Variants in TMTC1 observed in about 807,000 individuals in gnomAD.
The protein encoded by TMTC1 is transmembrane O-mannosyltransferase targeting cadherins 1.
A neutral mutation model predicts 104.8 loss-of-function variants in TMTC1; 73 were observed. The observed-to-expected ratio is 0.70, with a 90% CI of 0.58 to 0.85. The LOEUF (loss-of-function observed/expected upper bound fraction) is 0.85. Ranked by LOEUF, TMTC1 falls within the 40% of genes least tolerant of loss-of-function variation. The pLI is 0.00. For missense variants in TMTC1, 1,035 were observed against 1,096.1 expected (o/e 0.94, Z 0.79); for synonymous variants, 434 against 428.7 (o/e 1.01, Z -0.15).
chr12:29,714,099 A>ACTTCC (rs1942011668), intron 5 of TMTC1, among the ~76,000 whole-genome samples: 3 of 152,328 alleles, frequency 2.0e-5, no homozygotes, highest in South Asian at 4.1e-4. Flanking sequence ...TCCCAGCCTG[A>ACTTCC]AGAACTGTGA....
intron 5 of TMTC1, among the ~76,000 whole-genome samples, chr12:29,634,855 C>T (rs570380415): frequency 4.1e-4 from 62 of 152,266 alleles, no homozygotes; most frequent in African/African-American, 1.4e-3. Flanking sequence ...CAGTGTGAAG[C>T]GTCAGTTCAC....
chr12:29,613,720 C>A (rs1271717969), intron 6 of TMTC1, among the ~76,000 whole-genome samples: 1 of 152,102 alleles, frequency 6.6e-6, no homozygotes, highest in African/African-American at 2.4e-5. Context: ...TTTCATAAAC[C>A]ATTTTGTTCC....
At position 29,661,733 on chromosome 12, in the gene TMTC1, C is replaced by G. The variant is rs145395923; in HGVS notation, c.939-28397G>C. Reference sequence around the variant, plus strand: ...TTACAGGCGTGAGCCACTGCACCCACTCAGTTAAATAATTTTTTTAAGGCA... The same window carrying G: ...TTACAGGCGTGAGCCACTGCACCCAGTCAGTTAAATAATTTTTTTAAGGCA... On this transcript the variant is annotated intron_variant, in intron 5 of 17. Coordinates refer to ENST00000539277, the MANE Select transcript of TMTC1 (RefSeq NM_001193451.2). Among the ~76,000 whole-genome samples the G allele has an allele frequency of 5.8e-4, 88 of 152,154 alleles. 1 individual carries two copies. The highest frequency in any genetic ancestry group is 1.8e-3 in the African/African-American group (76 of 41,522).
intron 5 of TMTC1, among the ~76,000 whole-genome samples, chr12:29,710,163 G>A (rs556266924): frequency 3.9e-5 from 6 of 152,042 alleles, no homozygotes; most frequent in African/African-American, 7.2e-5. Context: ...ACTGAACAGC[G>A]TTCTTTAATC....
chr12:29,575,773 G>A (rs1453408414), intron 8 of TMTC1, among the ~76,000 whole-genome samples: 3 of 152,182 alleles, frequency 2.0e-5, no homozygotes, highest in African/African-American at 7.2e-5. Flanking sequence ...AGGACGGATT[G>A]CTGGATCACA....
chr12:29,660,907 A>T, intron 5 of TMTC1: 1 of 1,438,526 alleles, frequency 7.0e-7, no homozygotes, highest in Non-Finnish European at 9.3e-7. Context: ...AAGAAAAAAA[A>T]TCTTAGATAA....
intron 6 of TMTC1, among the ~76,000 whole-genome samples, chr12:29,623,622 G>A (rs891806636): frequency 2.6e-5 from 4 of 152,244 alleles, no homozygotes; most frequent in Admixed American, 2.0e-4. Context: ...AGACAAGCCT[G>A]GCCAACTTGG....
chr12:29,750,471 T>A (rs1026540038), intron 5 of TMTC1, among the ~76,000 whole-genome samples: 6 of 152,260 alleles, frequency 3.9e-5, no homozygotes, highest in Non-Finnish European at 7.3e-5. Context: ...CTTTCTTATT[T>A]ACCAGGACAC....
chr12:29,728,813 A>G (rs1942470869), intron 5 of TMTC1, among the ~76,000 whole-genome samples: 1 of 151,212 alleles, frequency 6.6e-6, no homozygotes, highest in African/African-American at 2.4e-5. Flanking sequence ...CCTGGCCAAC[A>G]TAATGAAACC....
intron 5 of TMTC1, among the ~76,000 whole-genome samples, chr12:29,696,296 G>C (rs1321872643): frequency 2.0e-5 from 3 of 152,006 alleles, no homozygotes; most frequent in Non-Finnish European, 2.9e-5. Context: ...TGCTTTAATG[G>C]GGAAGAAGGG....
chr12:29,625,125 C>T (rs1937910561), intron 6 of TMTC1, among the ~76,000 whole-genome samples: 2 of 152,148 alleles, frequency 1.3e-5, no homozygotes, highest in South Asian at 2.1e-4. Flanking sequence ...CCAGGTGGAC[C>T]GACCTGTGCT....
chr12:29,520,003 TTAAATA>T (rs1215155932), intron 12 of TMTC1, among the ~76,000 whole-genome samples: 1 of 152,234 alleles, frequency 6.6e-6, no homozygotes, highest in Admixed American at 6.5e-5. Flanking sequence ...GGCCTTACAT[TTAAATA>T]TAATTTCATT....
chr12:29,597,799 C>T (rs1247226563), intron 7 of TMTC1, among the ~76,000 whole-genome samples: 1 of 152,090 alleles, frequency 6.6e-6, no homozygotes, highest in African/African-American at 2.4e-5. Flanking sequence ...AGTAAAGCTT[C>T]CGCCCAAAAA....
At chr12:29,641,729 T>A (rs1938865520) in intron 5 of TMTC1, among the ~76,000 whole-genome samples, 1 of 151,944 alleles carries the variant, frequency 6.6e-6, no homozygotes, top group Non-Finnish European at 1.5e-5. Context: ...CAGCAATGGA[T>A]CCAAACCAAG....
At chr12:29,640,850 G>C (rs1057429310) in intron 5 of TMTC1, 4 of 152,238 alleles carry the variant, frequency 2.6e-5, no homozygotes, top group Non-Finnish European at 4.4e-5. Context: ...TTCTTATGCA[G>C]CTGGGAGGCA....
intron 5 of TMTC1, among the ~76,000 whole-genome samples, chr12:29,722,828 G>A (rs1942272995): frequency 6.8e-6 from 1 of 148,132 alleles, no homozygotes; most frequent in African/African-American, 2.5e-5. Context: ...GGCTGAAGCA[G>A]AAGAATTACT....
rs75768915 is a variant in TMTC1, at chr12:29,690,303, G to A, written c.939-56967C>T. ...CTTTCCTTATGAGATGAGACGGAAG[G>A]AAAATGTGCTATTCGCATCTGAAAA... On this transcript the variant is annotated intron_variant, in intron 5 of 17. Transcript: ENST00000539277. 6.2e-3 allele frequency among the ~76,000 whole-genome samples: 944 copies of A among 152,280 alleles called. 7 individuals carry two copies. Among genetic ancestry groups the A allele is most frequent in the African/African-American group, 0.022 (896 of 41,568 alleles).
chr12:29,633,115 T>C, intron 6 of TMTC1, 32 bp downstream of exon 6: 8 of 1,577,998 alleles, frequency 5.1e-6, no homozygotes, highest in Non-Finnish European at 6.9e-6. Context: ...TGTCTTCAAA[T>C]GCAGAGTTCA....
intron 5 of TMTC1, among the ~76,000 whole-genome samples, chr12:29,643,604 TTATATATAATATATATCTATATATTA>T (rs1276712688): frequency 2.5e-5 from 1 of 39,594 alleles, no homozygotes; most frequent in Non-Finnish European, 3.9e-5. Context: ...ATATTATATA[TTATATATAATATATATCTATATATTA>T]TATATATAAT....
Sources: allele counts gnomAD v4.1 joint callset (sites outside exome capture counted in the v4.1 genomes callset), GRCh38; gene constraint gnomAD v4.1.1; transcripts MANE v1.5; gene names NCBI Gene and HGNC (gene_info 2026-07-23, HGNC 2026-07-21).